Variants in SEC23B observed in about 807,000 individuals in gnomAD.
The protein encoded by SEC23B is protein transport protein Sec23B.
A neutral mutation model predicts 104.3 loss-of-function variants in SEC23B; 77 were observed. The ratio of observed to expected loss-of-function variants is 0.74; its 90% CI spans 0.61 to 0.89. The LOEUF is 0.89. Ranked by LOEUF, SEC23B falls within the 40% of genes least tolerant of loss-of-function variation. SEC23B has a pLI of 0.00. For missense variants in SEC23B, 885 were observed against 949.4 expected (o/e 0.93, Z 0.89); for synonymous variants, 338 against 332.5 (o/e 1.02, Z -0.18).
Position 18,510,909 on chromosome 20 carries a change from C to T in SEC23B, c.74C>T (p.Pro25Leu), listed in dbSNP as rs6045440. 1.9e-6 allele frequency: 3 copies of T among 1,614,138 alleles called. No homozygotes were observed. Among genetic ancestry groups the T allele is most frequent in the Non-Finnish European group, 2.5e-6 (3 of 1,179,998 alleles). Reference protein sequence around the residue: ...DGVRFSWNVWPSSRLEATRMV... With the variant: ...DGVRFSWNVWLSSRLEATRMV... Reference sequence around the variant, plus strand: ...GTGCGTTTTAGTTGGAACGTGTGGCCTTCCAGCCGGCTGGAGGCTACAAGA... The same window carrying T: ...GTGCGTTTTAGTTGGAACGTGTGGCTTTCCAGCCGGCTGGAGGCTACAAGA... Residue 25 changes from proline to leucine, a missense_variant, in exon 2 of 20, where the codon CCT (proline) becomes CTT (leucine). Physicochemically the swap from Pro to Leu is moderately conservative, Grantham distance 98 (BLOSUM62 -3). Transcript: ENST00000650089.
At position 18,561,364 on chromosome 20, in the gene SEC23B, A is replaced by G. The variant is rs1466331315; in HGVS notation, c.*624A>G. 1 of 152,438 alleles carries G rather than the reference A, an allele frequency of 6.6e-6. No homozygotes were observed. The highest frequency in any genetic ancestry group is 1.5e-5 in the Non-Finnish European group (1 of 68,210). 9.4% of individuals were successfully genotyped at this position (152,438 alleles called of 1,614,324 possible). A position where few individuals can be genotyped will look rare whatever the true frequency, so the allele number is the denominator to read the frequency against. On this transcript the variant is annotated 3_prime_UTR_variant, in exon 20 of 20. Coordinates refer to ENST00000650089, the MANE Select transcript of SEC23B (RefSeq NM_006363.6). ...TTGTTGATGTATTTAATTTTAGCCC[A>G]TGTCTCAATTCTCATTTTCAAAGAA...
chr20:18,519,815 T>C (rs192996777), intron 4 of SEC23B, among the ~76,000 whole-genome samples: 26 of 152,224 alleles, frequency 1.7e-4, no homozygotes, highest in South Asian at 4.2e-4. Context: ...AAAGGAGTTG[T>C]TGTTTTGTAG....
chr20:18,519,230 G>A (rs1006532170), intron 4 of SEC23B, among the ~76,000 whole-genome samples: 1 of 152,176 alleles, frequency 6.6e-6, no homozygotes, highest in African/African-American at 2.4e-5. Flanking sequence ...ATACAGTCAT[G>A]TGGGTCAGGT....
At chr20:18,513,322 T>C (rs1600226768) in intron 3 of SEC23B, among the ~76,000 whole-genome samples, 2 of 150,618 alleles carry the variant, frequency 1.3e-5, no homozygotes, top group East Asian at 3.9e-4. Context: ...CACTTCAGCC[T>C]GGCAACACAG....
chr20:18,524,071 G>A (rs1241535363), intron 4 of SEC23B, among the ~76,000 whole-genome samples: 1 of 152,064 alleles, frequency 6.6e-6, no homozygotes, highest in Non-Finnish European at 1.5e-5. Context: ...TCTGCCCTCT[G>A]CCTCTCCTCC....
chr20:18,515,764 G>C (rs760663551), intron 4 of SEC23B, 28 bp downstream of exon 4: 13 of 1,304,808 alleles, frequency 1.0e-5, no homozygotes, highest in East Asian at 2.3e-5. Context: ...CATTTAATGA[G>C]CAATGTTAAA....
rs2059978491 is a variant in SEC23B, at chr20:18,511,095, A to G, written c.221+39A>G. The G allele has an allele frequency of 2.7e-6, 4 of 1,466,312 alleles. No homozygotes were observed. In the East Asian group the frequency reaches 9.1e-5, roughly 33 times the overall value. 90.8% of individuals were successfully genotyped at this position (1,466,312 alleles called of 1,614,324 possible). On this transcript the variant is annotated intron_variant, in intron 2 of 19. Transcript: ENST00000650089. ...TGAAACTGGTAAAAATGATAAATAC[A>G]ATATATTATGAATTTTATGTGATGC...
chr20:18,554,067 C>T (rs1286829545), intron 17 of SEC23B, among the ~76,000 whole-genome samples, 168 bp from the exon 18 acceptor site: 2 of 152,184 alleles, frequency 1.3e-5, no homozygotes, highest in Non-Finnish European at 2.9e-5. Context: ...CCTCCTGCTT[C>T]TCCTCCTGCC....
intron 16 of SEC23B, among the ~76,000 whole-genome samples, chr20:18,549,852 T>C (rs1388351906): frequency 6.6e-6 from 1 of 151,768 alleles, no homozygotes; most frequent in Non-Finnish European, 1.5e-5. Context: ...ATGGCGCCAA[T>C]AATCCCAGCT....
In SEC23B at chr20:18,554,972, CTAAT is replaced by C; in HGVS notation, c.2149-133_2149-130del. 3.4e-4 allele frequency: 24 copies of C among 69,836 alleles called. 11 individuals are homozygous for C. The highest frequency in any genetic ancestry group is 7.0e-4 in the Non-Finnish European group (16 of 22,992). 4.3% of individuals were successfully genotyped at this position (69,836 alleles called of 1,614,324 possible). On this transcript the variant is annotated intron_variant, in intron 18 of 19. Coordinates refer to ENST00000650089, the MANE Select transcript of SEC23B (RefSeq NM_006363.6). ...TAGATTACTGTGCAGTAAAACAATT[CTAAT>C]TAGATTACTGTGCAGTAAAACAATT...
intron 14 of SEC23B, among the ~76,000 whole-genome samples, chr20:18,545,602 G>A: frequency 6.6e-6 from 1 of 152,210 alleles, no homozygotes; most frequent in East Asian, 1.9e-4. Flanking sequence ...GAACATCAAA[G>A]CGTAACTATA....
chr20:18,516,601 G>T (rs1253901525), intron 4 of SEC23B, among the ~76,000 whole-genome samples: 4 of 149,830 alleles, frequency 2.7e-5, no homozygotes, highest in Admixed American at 2.7e-4. Flanking sequence ...GCCCAGGCTG[G>T]AGTGCAGTGG....
At position 18,524,817 on chromosome 20, in the gene SEC23B, T is replaced by C. The variant is rs377124657; in HGVS notation, c.604-118T>C. The C allele has an allele frequency of 5.0e-5, 62 of 1,249,406 alleles. No individual in the cohort carries two copies. The East Asian group carries it at 7.3e-4, about 15-fold the overall frequency. The allele number at this position is 1,249,406 out of a possible 1,614,324, so 77.4% of individuals were successfully genotyped here. The stretch of plus-strand genomic sequence containing the variant: ...AAGCCATTGGCCCACCTCAGCCTCA[T>C]GAGTAGGTGGGACTAGAGGCACATG... On this transcript the variant is annotated intron_variant, in intron 5 of 19. Coordinates refer to ENST00000650089, the MANE Select transcript of SEC23B (RefSeq NM_006363.6).
intron 4 of SEC23B, among the ~76,000 whole-genome samples, chr20:18,518,467 T>C (rs1180034507): frequency 6.6e-6 from 1 of 152,100 alleles, no homozygotes; most frequent in East Asian, 1.9e-4. Context: ...AGGATAGATT[T>C]CCACGATGGA....
chr20:18,530,275 A>G (rs6081187), intron 9 of SEC23B, among the ~76,000 whole-genome samples: 103,140 of 151,564 alleles, frequency 0.68, 36,538 homozygotes, highest in Non-Finnish European at 0.8. Context: ...TGTTTGAGAA[A>G]CAGTCTTGCT....
intron 8 of SEC23B, 138 bp from the exon 9 acceptor site, chr20:18,527,358 A>G (rs2060142781): frequency 2.8e-6 from 2 of 712,728 alleles, no homozygotes; most frequent in East Asian, 2.7e-5. Flanking sequence ...AGCCTGGGCA[A>G]CAGAGAGAGA....
At chr20:18,560,122 A>T (rs6081213) in intron 19 of SEC23B, among the ~76,000 whole-genome samples, 101,396 of 151,732 alleles carry the variant, frequency 0.67, 35,663 homozygotes, top group Non-Finnish European at 0.8. Context: ...ATATATATAT[A>T]TTTTTAATTT....
chr20:18,524,707 T>TC (rs1568605434), intron 5 of SEC23B, 38 bp downstream of exon 5: 2 of 1,523,202 alleles, frequency 1.3e-6, no homozygotes, highest in Non-Finnish European at 1.8e-6. Flanking sequence ...AAACAAGGAC[T>TC]TTTTTTTAAA....
intron 17 of SEC23B, among the ~76,000 whole-genome samples, 199 bp from the exon 18 acceptor site, chr20:18,554,036 A>T (rs542940636): frequency 6.6e-6 from 1 of 152,288 alleles, no homozygotes; most frequent in African/African-American, 2.4e-5. Flanking sequence ...TCCTGGGGGA[A>T]TGCGCAGGCG....
Sources: allele counts gnomAD v4.1 joint callset (sites outside exome capture counted in the v4.1 genomes callset), GRCh38; gene constraint gnomAD v4.1.1; transcripts MANE v1.5; gene names NCBI Gene and HGNC (gene_info 2026-07-23, HGNC 2026-07-21).